The following GULP1 variants were observed in gnomAD, a reference collection of about 807,000 sequenced individuals.
GULP1 encodes PTB domain-containing engulfment adapter protein 1.
GULP1 carries 19 observed loss-of-function variants against 40.9 expected under a neutral mutation model. The ratio of observed to expected loss-of-function variants is 0.46; its 90% CI spans 0.32 to 0.68. The LOEUF (loss-of-function observed/expected upper bound fraction) is 0.68. GULP1 is among the 30% of genes least tolerant of loss of function. The pLI, the probability that GULP1 is intolerant of heterozygous loss-of-function variation, is 0.03. For missense variants in GULP1, 312 were observed against 362.2 expected (o/e 0.86, Z 1.12); for synonymous variants, 119 against 117.6 (o/e 1.01, Z -0.08).
intron 2 of GULP1, among the ~76,000 whole-genome samples, chr2:188,390,523 C>T (rs1212301436): frequency 6.6e-6 from 1 of 151,990 alleles, no homozygotes; most frequent in Non-Finnish European, 1.5e-5. Context: ...TGTCCATTGT[C>T]GGATGCATAG....
chr2:188,569,316 T>C lies in GULP1; in HGVS notation c.477T>C (p.Asp159=), dbSNP rs773085446. 59 of 1,598,284 alleles carry C rather than the reference T, an allele frequency of 3.7e-5. No homozygotes were observed. Among genetic ancestry groups the C allele is most frequent in the Non-Finnish European group, 5.0e-5 (58 of 1,165,888 alleles). ...YRKFLESGGK[D]VETRKQIAGL... ...AATTTCTAGAATCAGGAGGAAAAGA[T>C]GTTGAAACAAGAAAACAGATCGCAG... The change falls in exon 8 of 12, where the codon GAT becomes GAC. Residue 159 remains aspartate (D), a synonymous_variant. Transcript: ENST00000409830.
At position 188,291,897 on chromosome 2, in the gene GULP1, A is replaced by AGTCCCCAGCCCCGCGTCCCAGC. The variant is rs1291573085; in HGVS notation, c.-440_-419dup. On this transcript the variant is annotated 5_prime_UTR_variant, in exon 1 of 12. Transcript: ENST00000409830. ...GCGTTCCCGGCCGGGAGCGACCCGG[A>AGTCCCCAGCCCCGCGTCCCAGC]GTCCCCAGCCCCGCGTCCCAGCTGC... 2.0e-5 allele frequency: 3 copies of AGTCCCCAGCCCCGCGTCCCAGC among 151,758 alleles called. No individual in the cohort carries two copies. The highest frequency in any genetic ancestry group is 4.2e-4 in the South Asian group (2 of 4,788). 9.4% of individuals were successfully genotyped at this position (151,758 alleles called of 1,614,324 possible). A position where few individuals can be genotyped will look rare whatever the true frequency, so the allele number is the denominator to read the frequency against.
intron 4 of GULP1, among the ~76,000 whole-genome samples, chr2:188,494,183 C>A (rs960546275): frequency 6.6e-6 from 1 of 152,046 alleles, no homozygotes; most frequent in Non-Finnish European, 1.5e-5. Flanking sequence ...GTTATAGATA[C>A]AAATACCATT....
At chr2:188,515,944 A>C (rs1006471273) in intron 4 of GULP1, among the ~76,000 whole-genome samples, 1 of 152,206 alleles carries the variant, frequency 6.6e-6, no homozygotes, top group Admixed American at 6.5e-5. Context: ...ATATTTCTCC[A>C]AAATTTATAA....
intron 1 of GULP1, among the ~76,000 whole-genome samples, chr2:188,321,648 G>A (rs757699045): frequency 4.6e-5 from 7 of 151,862 alleles, no homozygotes; most frequent in Non-Finnish European, 8.8e-5. Flanking sequence ...ATTTAAAGGG[G>A]AAATGTAGTC....
intron 2 of GULP1, among the ~76,000 whole-genome samples, chr2:188,470,151 G>A (rs2060470561): frequency 6.6e-6 from 1 of 152,034 alleles, no homozygotes; most frequent in Admixed American, 6.6e-5. Flanking sequence ...TTCTCTAAAT[G>A]TTTGGTAGAA....
chr2:188,308,740 A>T (rs1276500385), intron 1 of GULP1, among the ~76,000 whole-genome samples: 1 of 152,210 alleles, frequency 6.6e-6, no homozygotes, highest in Non-Finnish European at 1.5e-5. Context: ...ATCACTTGCT[A>T]GTAAAGGGTC....
intron 2 of GULP1, among the ~76,000 whole-genome samples, chr2:188,402,667 G>T (rs770785779): frequency 1.3e-5 from 2 of 151,958 alleles, no homozygotes; most frequent in Non-Finnish European, 2.9e-5. Context: ...TTTTGGCTTA[G>T]TTAGGAGTAC....
At chr2:188,510,431 C>T (rs1414919362) in intron 4 of GULP1, among the ~76,000 whole-genome samples, 1 of 151,716 alleles carries the variant, frequency 6.6e-6, no homozygotes, top group Admixed American at 6.6e-5. Context: ...AATTAGATTC[C>T]AGCGCACTTA....
chr2:188,501,651 C>A (rs775886702), intron 4 of GULP1, among the ~76,000 whole-genome samples: 1 of 151,858 alleles, frequency 6.6e-6, no homozygotes, highest in South Asian at 2.1e-4. Flanking sequence ...AAGATGTTTC[C>A]GCGTCTTAGA....
chr2:188,422,208 C>T (rs2055531849), intron 2 of GULP1, among the ~76,000 whole-genome samples: 1 of 149,838 alleles, frequency 6.7e-6, no homozygotes, highest in Admixed American at 6.7e-5. Context: ...TCAAAATTCT[C>T]CTAATTTTTT....
At chr2:188,525,461 T>G (rs1487126693) in intron 5 of GULP1, among the ~76,000 whole-genome samples, 1 of 152,178 alleles carries the variant, frequency 6.6e-6, no homozygotes, top group Non-Finnish European at 1.5e-5. Flanking sequence ...TTAAACCCTT[T>G]CAACTTCTAT....
chr2:188,526,075 C>A (rs1665460694), intron 5 of GULP1, among the ~76,000 whole-genome samples: 1 of 152,034 alleles, frequency 6.6e-6, no homozygotes, highest in Admixed American at 6.6e-5. Context: ...TTTAAAAAGT[C>A]CTCTGAGAAA....
chr2:188,454,967 A>C (rs2059141813), intron 2 of GULP1, among the ~76,000 whole-genome samples: 1 of 152,008 alleles, frequency 6.6e-6, no homozygotes, highest in African/African-American at 2.4e-5. Context: ...GTACAAAAAT[A>C]AAAATAAAAA....
At position 188,464,115 on chromosome 2, in the gene GULP1, G is replaced by A. The variant is rs375945228; in HGVS notation, c.-44-13544G>A. Among the ~76,000 whole-genome samples, 4 of 152,174 alleles carry A rather than the reference G, an allele frequency of 2.6e-5. No individual in the cohort carries two copies. In the East Asian group the frequency reaches 5.8e-4, roughly 22 times the overall value. The stretch of plus-strand genomic sequence containing the variant: ...GCCATTGAAGAGTTAGGTATTTATT[G>A]TAGTCTCCACAATCTGAGCTTGTTT... On this transcript the variant is annotated intron_variant, in intron 2 of 11. Transcript: ENST00000409830.
At chr2:188,298,921 C>T (rs1394818699) in intron 1 of GULP1, among the ~76,000 whole-genome samples, 1 of 152,120 alleles carries the variant, frequency 6.6e-6, no homozygotes, top group South Asian at 2.1e-4. Flanking sequence ...AAAAGGGTGC[C>T]TCTCACGGAT....
At chr2:188,449,288 A>G (rs1306709720) in intron 2 of GULP1, among the ~76,000 whole-genome samples, 1 of 152,208 alleles carries the variant, frequency 6.6e-6, no homozygotes, top group Non-Finnish European at 1.5e-5. Flanking sequence ...ATCAAGTACT[A>G]AAGCTAACCT....
At chr2:188,320,654 T>G (rs2039835742) in intron 1 of GULP1, among the ~76,000 whole-genome samples, 1 of 152,176 alleles carries the variant, frequency 6.6e-6, no homozygotes, top group South Asian at 2.1e-4. Flanking sequence ...ACAAACAGGC[T>G]TTCAAAATAG....
At chr2:188,323,046 T>G (rs2040226079) in intron 1 of GULP1, among the ~76,000 whole-genome samples, 1 of 152,118 alleles carries the variant, frequency 6.6e-6, no homozygotes, top group East Asian at 1.9e-4. Flanking sequence ...TAGGAGATTT[T>G]ACCTTTGCGT....
Sources: gnomAD v4.1 joint callset for allele counts (sites outside exome capture counted in the v4.1 genomes callset) on GRCh38, gnomAD v4.1.1 for gene constraint, MANE v1.5 for transcripts, NCBI Gene and HGNC (gene_info 2026-07-23, HGNC 2026-07-21) for gene names.